DHRSX: variants seen among roughly 807,000 people sequenced by gnomAD.
The protein encoded by DHRSX is dehydrogenase/reductase X-linked.
DHRSX carries 31 observed loss-of-function variants against 34.0 expected under a neutral mutation model. That is an observed-to-expected ratio of 0.91 (90% CI 0.69 to 1.23). The LOEUF (loss-of-function observed/expected upper bound fraction) is 1.23. Among genes scored for constraint, DHRSX ranks in the 50% most tolerant of loss-of-function variants. The probability of loss-of-function intolerance (pLI) is 0.00; values close to 1 mark genes in which losing one functional copy is unlikely to be tolerated. For missense variants in DHRSX, 414 were observed against 428.1 expected (o/e 0.97, Z 0.29); for synonymous variants, 201 against 183.8 (o/e 1.09, Z -0.76).
At chrX:2,482,680 T>G (rs1352732368) in intron 1 of DHRSX, among the ~76,000 whole-genome samples, 5 of 152,216 alleles carry the variant, frequency 3.3e-5, no homozygotes, top group Non-Finnish European at 5.9e-5. Context: ...ATTCTTAGCT[T>G]GTGGATACAG....
intron 1 of DHRSX, among the ~76,000 whole-genome samples, chrX:2,438,592 C>T (rs1406463765): frequency 6.6e-6 from 1 of 151,144 alleles, no homozygotes; most frequent in Non-Finnish European, 1.5e-5. Flanking sequence ...CGCTTGAACC[C>T]AGGAGGCGGA....
intron 2 of DHRSX, among the ~76,000 whole-genome samples, chrX:2,413,051 C>T (rs1603065782): frequency 6.6e-6 from 1 of 151,944 alleles, no homozygotes; most frequent in Non-Finnish European, 1.5e-5. Context: ...AAAAATTAGC[C>T]GGGTACGGTG....
rs1227967553 is a variant in DHRSX, at chrX:2,355,880, A to G, written c.286+52865T>C. ...CGGGAGTTTGAGACCACCCAGGCCAACATGGTAAAACCCCATCTCTACTAA... is the reference window on the plus strand; with the variant it reads ...CGGGAGTTTGAGACCACCCAGGCCAGCATGGTAAAACCCCATCTCTACTAA... On this transcript the variant is annotated intron_variant, in intron 3 of 6. Transcript: ENST00000334651. 2.0e-5 allele frequency among the ~76,000 whole-genome samples: 3 copies of G among 152,052 alleles called. No individual in the cohort carries two copies. In the East Asian group the frequency reaches 5.8e-4, roughly 29 times the overall value.
rs190462333 is a variant in DHRSX at position 2,475,460 on chromosome X, G to A, written c.109+25357C>T. On this transcript the variant is annotated intron_variant, in intron 1 of 6. Transcript: ENST00000334651. ...TAAGCATGTGGCACAAGGGACCGCC[G>A]CCCTGTGCACACTGAAGATGTTCCC... is the stretch of plus-strand genomic sequence containing the variant. Among the ~76,000 whole-genome samples the A allele has an allele frequency of 5.5e-3, 825 of 149,836 alleles. 6 individuals carry two copies. Among genetic ancestry groups the A allele is most frequent in the African/African-American group, 0.019 (756 of 40,410 alleles).
At chrX:2,359,139 A>C (rs1234552477) in intron 3 of DHRSX, among the ~76,000 whole-genome samples, 3 of 152,188 alleles carry the variant, frequency 2.0e-5, no homozygotes, top group Non-Finnish European at 4.4e-5. Flanking sequence ...GGAACACCTA[A>C]ACACTGTTGG....
chrX:2,397,796 A>G (rs1438947934), intron 3 of DHRSX, among the ~76,000 whole-genome samples: 1 of 152,246 alleles, frequency 6.6e-6, no homozygotes, highest in Non-Finnish European at 1.5e-5. Context: ...GAAGTAGCGC[A>G]TTTGCAAAGC....
chrX:2,254,634 AAG>A (rs1266069322), intron 5 of DHRSX, among the ~76,000 whole-genome samples: 1 of 152,050 alleles, frequency 6.6e-6, no homozygotes, highest in African/African-American at 2.4e-5. Context: ...ACTGCGAATA[AAG>A]AGAGGTTTTT....
intron 1 of DHRSX, among the ~76,000 whole-genome samples, chrX:2,454,287 G>A (rs1019475255): frequency 7.9e-5 from 12 of 152,102 alleles, no homozygotes; most frequent in African/African-American, 2.9e-4. Context: ...AGCACTTTGG[G>A]AGGCTGAGGC....
intron 6 of DHRSX, among the ~76,000 whole-genome samples, chrX:2,232,748 A>G (rs1353342049): frequency 6.6e-6 from 1 of 151,646 alleles, no homozygotes; most frequent in Admixed American, 6.6e-5. Context: ...AATTTTTTGT[A>G]TTTTTAGTAG....
chrX:2,291,684 A>C, intron 3 of DHRSX, 81 bp from the exon 4 acceptor site: 2 of 1,026,890 alleles, frequency 1.9e-6, no homozygotes, highest in South Asian at 1.3e-5. Context: ...AACAGGTCAA[A>C]CTCAATTTCA....
chrX:2,477,296 T>C (rs2044694738), intron 1 of DHRSX, among the ~76,000 whole-genome samples: 1 of 152,184 alleles, frequency 6.6e-6, no homozygotes, highest in African/African-American at 2.4e-5. Context: ...CTAGCCAGTT[T>C]GTTCACAGCC....
chrX:2,306,294 C>T (rs67686629), intron 3 of DHRSX, among the ~76,000 whole-genome samples: 36,530 of 151,386 alleles, frequency 0.24, 4,916 homozygotes, highest in African/African-American at 0.33. Flanking sequence ...CAGGGTATGG[C>T]TGGCATCACT....
chrX:2,307,745 A>G (rs2042115485), intron 3 of DHRSX, among the ~76,000 whole-genome samples: 2 of 148,204 alleles, frequency 1.3e-5, no homozygotes, highest in African/African-American at 2.5e-5. Flanking sequence ...AGCCTGGGCG[A>G]CAGAGCAAGA....
chrX:2,389,900 C>G (rs2043314971), intron 3 of DHRSX, among the ~76,000 whole-genome samples: 1 of 152,136 alleles, frequency 6.6e-6, no homozygotes, highest in Admixed American at 6.5e-5. Flanking sequence ...GCTGCCTCAG[C>G]CTCCCGAGGA....
chrX:2,370,890 T>C (rs1464387050), intron 3 of DHRSX, among the ~76,000 whole-genome samples: 1 of 152,054 alleles, frequency 6.6e-6, no homozygotes. Flanking sequence ...AGCCACAGGG[T>C]TTGGCAGCTT....
chrX:2,497,310 T>C (rs1478657867), intron 1 of DHRSX, among the ~76,000 whole-genome samples: 2 of 152,122 alleles, frequency 1.3e-5, no homozygotes, highest in Non-Finnish European at 2.9e-5. Context: ...GGAGAATCGC[T>C]TGAACCCGGG....
chrX:2,365,168 A>G (rs187194288), intron 3 of DHRSX, among the ~76,000 whole-genome samples: 244 of 152,366 alleles, frequency 1.6e-3, no homozygotes, highest in African/African-American at 5.6e-3. Context: ...GGTAACCTAC[A>G]GAATGGGAGA....
At chrX:2,383,549 T>C (rs2043238295) in intron 3 of DHRSX, among the ~76,000 whole-genome samples, 1 of 152,134 alleles carries the variant, frequency 6.6e-6, no homozygotes, top group African/African-American at 2.4e-5. Context: ...GAATCACCAT[T>C]ATCATCAACA....
chrX:2,397,962 ATATGCCAACAGGCTGATCT>A (rs1569497134), intron 3 of DHRSX, among the ~76,000 whole-genome samples: 27 of 148,212 alleles, frequency 1.8e-4, no homozygotes, highest in South Asian at 1.7e-3. Flanking sequence ...ACATAGATAC[ATATGCCAACAGGCTGATCT>A]CACACACATA....
Sources: gnomAD v4.1 joint callset for allele counts (sites outside exome capture counted in the v4.1 genomes callset) on GRCh38, gnomAD v4.1.1 for gene constraint, MANE v1.5 for transcripts, NCBI Gene and HGNC (gene_info 2026-07-23, HGNC 2026-07-21) for gene names.